ZNF469: variants seen among roughly 807,000 people sequenced by gnomAD.
ZNF469 encodes zinc finger protein 469.
Under a neutral mutation model 1.0 loss-of-function variants are expected in ZNF469, and 1 was observed. The observed-to-expected ratio is 1.00, with a 90% confidence interval of 0.35 to 4.73. The LOEUF (loss-of-function observed/expected upper bound fraction) is 4.73. ZNF469 is among the 30% of genes most tolerant of loss of function. The pLI is 0.16. For synonymous variants in ZNF469, 2,703 were observed against 2,363.4 expected, an observed-to-expected ratio of 1.14 and a Z score of -4.17; for missense variants, 6,100 against 5,356.3, an observed-to-expected ratio of 1.14 and a Z score of -4.33.
chr16:88,273,057 G>C, the ZNF469 span, among the ~76,000 whole-genome samples: 1 of 152,104 alleles, frequency 6.6e-6, no homozygotes, highest in South Asian at 2.1e-4. Flanking sequence ...CGAGTGGATA[G>C]ATGGATGAAC....
chr16:88,337,061 A>G, the ZNF469 span, among the ~76,000 whole-genome samples: 42,479 of 152,106 alleles, frequency 0.28, 6,195 homozygotes, highest in Non-Finnish European at 0.34. Flanking sequence ...ATATTCTGTC[A>G]TGGTTTAACC....
the ZNF469 span, among the ~76,000 whole-genome samples, chr16:88,289,254 A>C: frequency 2.4e-5 from 3 of 126,696 alleles, no homozygotes; most frequent in East Asian, 4.2e-4. Context: ...TGATAATGGC[A>C]ACAGTGATGG....
At chr16:88,124,709 C>T in the ZNF469 span, among the ~76,000 whole-genome samples, 3,252 of 152,176 alleles carry the variant, frequency 0.021, 114 homozygotes, top group African/African-American at 0.074. Context: ...CTCAGTCTCC[C>T]GAGTAGGTGG....
At position 88,393,254 on chromosome 16, in the gene ZNF469, C is replaced by T. The variant is rs1566448; in HGVS notation, c.-192+10000C>T. ...CAGCGGCCCTCCGTGCCCGGCCAAG[C>T]GGTCACTCCCGGTGAGTGGGAGCAT... On this transcript the variant is annotated intron_variant, in intron 1 of 2. Transcript: ENST00000565624. 4.6e-3 allele frequency among the ~76,000 whole-genome samples: 704 copies of T among 152,376 alleles called. 5 individuals carry two copies. Among genetic ancestry groups the T allele is most frequent in the African/African-American group, 0.016 (668 of 41,596 alleles).
the ZNF469 span, among the ~76,000 whole-genome samples, chr16:88,235,821 C>T: frequency 6.6e-6 from 1 of 152,176 alleles, no homozygotes; most frequent in African/African-American, 2.4e-5. Flanking sequence ...ACATGTGCCG[C>T]AGGGGGTTGG....
chr16:88,396,956 C>CG (rs1904696591), intron 1 of ZNF469, among the ~76,000 whole-genome samples: 31 of 136,002 alleles, frequency 2.3e-4, no homozygotes, highest in Non-Finnish European at 3.1e-4. Context: ...GGAGGAGACC[C>CG]TCATGAAGGG....
the ZNF469 span, among the ~76,000 whole-genome samples, chr16:88,122,530 C>G: frequency 3.3e-5 from 5 of 151,484 alleles, no homozygotes; most frequent in South Asian, 8.4e-4. Flanking sequence ...CTGTCACTTG[C>G]TATGGCCACG....
At chr16:88,314,368 A>C in the ZNF469 span, among the ~76,000 whole-genome samples, 28 of 128,918 alleles carry the variant, frequency 2.2e-4, no homozygotes, top group South Asian at 7.9e-4. Context: ...TCTGTAATTA[A>C]GATGATGCTG....
At chr16:88,210,240 T>C in the ZNF469 span, among the ~76,000 whole-genome samples, 1 of 152,074 alleles carries the variant, frequency 6.6e-6, no homozygotes, top group Non-Finnish European at 1.5e-5. Flanking sequence ...ATTGGGTCTT[T>C]GGTCATTTCT....
the ZNF469 span, among the ~76,000 whole-genome samples, chr16:88,265,904 C>T: frequency 7.2e-5 from 11 of 152,304 alleles, no homozygotes; most frequent in African/African-American, 2.4e-4. Flanking sequence ...GTTGGCTCAG[C>T]GGAGACCATC....
the ZNF469 span, among the ~76,000 whole-genome samples, chr16:88,347,199 C>T: frequency 7.9e-5 from 12 of 152,140 alleles, no homozygotes; most frequent in Admixed American, 5.9e-4. Context: ...TGAGGCAATG[C>T]AGGAGGCCCC....
chr16:88,143,036 T>C, the ZNF469 span, among the ~76,000 whole-genome samples: 3 of 151,968 alleles, frequency 2.0e-5, no homozygotes, highest in African/African-American at 7.3e-5. Flanking sequence ...CTCACCGGCC[T>C]GTGATTAGGA....
chr16:88,437,458 G>C lies in ZNF469; in HGVS notation c.9988G>C (p.Glu3330Gln). Residue 3330 changes from glutamate (E) to glutamine (Q), a missense_variant, in exon 3 of 3, where the codon GAG (glutamate) becomes CAG (glutamine). Coordinates refer to ENST00000565624, the MANE Select transcript of ZNF469 (RefSeq NM_001367624.2). ...CCTCCTGCAAGCCACCCCGGTGCAC[G>C]AGGCCTGCAAGGACCCCTCCCGCGA... ...EPLLQATPVH[E>Q]ACKDPSRDCH... 6.5e-7 allele frequency: 1 copy of C among 1,529,738 alleles called. No individual in the cohort carries two copies. The highest frequency in any genetic ancestry group is 8.8e-7 in the Non-Finnish European group (1 of 1,134,332). 94.8% of individuals were successfully genotyped at this position (1,529,738 alleles called of 1,614,324 possible).
chr16:88,394,986 C>G (rs889052964), intron 1 of ZNF469, among the ~76,000 whole-genome samples: 1 of 152,236 alleles, frequency 6.6e-6, no homozygotes, highest in African/African-American at 2.4e-5. Flanking sequence ...CCCCATCAGC[C>G]TCTCCACTCT....
chr16:88,393,306 C>T (rs1383240435), intron 1 of ZNF469, among the ~76,000 whole-genome samples: 2 of 152,210 alleles, frequency 1.3e-5, no homozygotes, highest in Non-Finnish European at 2.9e-5. Flanking sequence ...GCCCAGGGCC[C>T]GCGGCATCCG....
rs1280329808 is a variant in ZNF469 at position 88,428,056 on chromosome 16, T to C, written c.586T>C (p.Tyr196His). 2 of 1,549,274 alleles carry C rather than the reference T, an allele frequency of 1.3e-6. No homozygotes were observed. Among genetic ancestry groups the C allele is most frequent in the Non-Finnish European group, 1.7e-6 (2 of 1,146,608 alleles). ...ACCCTCCAGCTTTACCTCCACCAAC[T>C]ATACCTCACCAAGCGCCACCCCCAG... is the stretch of plus-strand genomic sequence containing the variant. ...EPPSSFTSTNYTSPSATPRPP... is the reference protein window; with the variant it reads ...EPPSSFTSTNHTSPSATPRPP... Residue 196 changes from tyrosine to histidine, a missense_variant, in exon 3 of 3, where the codon TAT (tyrosine) becomes CAT (histidine). By Grantham distance (83) the Tyr-to-His change is moderately conservative (BLOSUM62 2). Transcript: ENST00000565624.
the ZNF469 span, among the ~76,000 whole-genome samples, chr16:88,272,679 T>C: frequency 6.7e-6 from 1 of 150,076 alleles, no homozygotes; most frequent in Non-Finnish European, 1.5e-5. Context: ...GGTGGGTGTA[T>C]GGATAGACGA....
the ZNF469 span, among the ~76,000 whole-genome samples, chr16:88,161,535 C>G: frequency 3.9e-5 from 6 of 152,192 alleles, no homozygotes; most frequent in South Asian, 1.2e-3. Context: ...TGTTGCCTGT[C>G]ACCACTCAGC....
chr16:88,193,072 G>A, the ZNF469 span, among the ~76,000 whole-genome samples: 13 of 108,932 alleles, frequency 1.2e-4, no homozygotes, highest in East Asian at 1.4e-3. Flanking sequence ...GGTGATGGTG[G>A]TGGTGGTGAT....
Sources: gnomAD v4.1 joint callset for allele counts (sites outside exome capture counted in the v4.1 genomes callset) on GRCh38, gnomAD v4.1.1 for gene constraint, MANE v1.5 for transcripts, NCBI Gene and HGNC (gene_info 2026-07-23, HGNC 2026-07-21) for gene names.